The following PLGRKT variants were observed in gnomAD, a reference collection of about 807,000 sequenced individuals.
The protein encoded by PLGRKT is plasminogen receptor with a C-terminal lysine.
Under a neutral mutation model 18.5 loss-of-function variants are expected in PLGRKT, and 22 were observed. That is an observed-to-expected ratio of 1.19 (90% CI 0.85 to 1.70). The LOEUF is 1.70. Ranked by LOEUF, PLGRKT falls within the 40% of genes most tolerant of loss-of-function variation. The pLI, the probability that PLGRKT is intolerant of heterozygous loss-of-function variation, is 0.00. For missense variants in PLGRKT, 235 were observed against 174.4 expected (o/e 1.35, Z -1.96); for synonymous variants, 72 against 52.8 (o/e 1.36, Z -1.58).
At chr9:5,412,352 A>G (rs1818382019) in intron 3 of PLGRKT, among the ~76,000 whole-genome samples, 1 of 152,246 alleles carries the variant, frequency 6.6e-6, no homozygotes, top group Admixed American at 6.5e-5. Flanking sequence ...ACAAGTTGCT[A>G]TGGTTTGAAT....
chr9:5,364,152 C>A (rs1331681448), intron 3 of PLGRKT, among the ~76,000 whole-genome samples: 3 of 152,180 alleles, frequency 2.0e-5, no homozygotes, highest in Non-Finnish European at 4.4e-5. Context: ...CCAGATATAC[C>A]TCCCAGACCA....
chr9:5,384,643 G>C (rs1436087678), intron 3 of PLGRKT, among the ~76,000 whole-genome samples: 2 of 152,130 alleles, frequency 1.3e-5, no homozygotes, highest in Non-Finnish European at 2.9e-5. Flanking sequence ...ACAGAGGTAA[G>C]ATAAAGGAAG....
intron 3 of PLGRKT, among the ~76,000 whole-genome samples, chr9:5,403,855 C>G (rs1818203782): frequency 6.6e-6 from 1 of 152,182 alleles, no homozygotes; most frequent in South Asian, 2.1e-4. Context: ...ATGGCCTCTG[C>G]CTGTTCATAG....
intron 3 of PLGRKT, among the ~76,000 whole-genome samples, chr9:5,430,950 G>A (rs907597868): frequency 3.3e-5 from 5 of 152,188 alleles, no homozygotes; most frequent in Admixed American, 2.6e-4. Context: ...CCAATGTTAA[G>A]GTTTCACACT....
intron 3 of PLGRKT, among the ~76,000 whole-genome samples, chr9:5,406,383 G>C (rs1313943948): frequency 6.6e-6 from 1 of 152,246 alleles, no homozygotes; most frequent in African/African-American, 2.4e-5. Context: ...TAACAGACTG[G>C]ATAAAGAAAG....
At chr9:5,364,012 T>C (rs1320455977) in intron 3 of PLGRKT, among the ~76,000 whole-genome samples, 2 of 152,226 alleles carry the variant, frequency 1.3e-5, no homozygotes, top group Non-Finnish European at 2.9e-5. Flanking sequence ...CCCAAAGTGA[T>C]GTAAATACAG....
chr9:5,387,346 A>G (rs377119647), intron 3 of PLGRKT, among the ~76,000 whole-genome samples: 1 of 152,014 alleles, frequency 6.6e-6, no homozygotes, highest in African/African-American at 2.4e-5. Context: ...GAATGAACAC[A>G]TTTTCATTCA....
chr9:5,367,973 C>G (rs754966539), intron 3 of PLGRKT, among the ~76,000 whole-genome samples: 1 of 151,990 alleles, frequency 6.6e-6, no homozygotes, highest in African/African-American at 2.4e-5. Flanking sequence ...GCTTGGCCAA[C>G]AAGCATATGA....
At chr9:5,396,086 G>GT (rs1818041626) in intron 3 of PLGRKT, among the ~76,000 whole-genome samples, 1 of 151,306 alleles carries the variant, frequency 6.6e-6, no homozygotes. Context: ...TAGAGACGGG[G>GT]TTTCACCATG....
In PLGRKT at chr9:5,394,692, C is replaced by T. The variant is rs1156684697; in HGVS notation, c.82-32804G>A. Among the ~76,000 whole-genome samples, 4 of 151,880 alleles carry T rather than the reference C, an allele frequency of 2.6e-5. 1 individual carries two copies. The highest frequency in any genetic ancestry group is 7.3e-5 in the African/African-American group (3 of 41,170). On this transcript the variant is annotated intron_variant, in intron 3 of 5. Transcript: ENST00000223864. The stretch of plus-strand genomic sequence containing the variant: ...CCTCCCAAAGTGCTGGGATTACAGG[C>T]GTAAGCCACTGCGTGACAGGGAAGT...
chr9:5,363,837 T>C (rs1586698607), intron 3 of PLGRKT, among the ~76,000 whole-genome samples: 1 of 152,206 alleles, frequency 6.6e-6, no homozygotes, highest in East Asian at 1.9e-4. Flanking sequence ...ATTGAGTAAC[T>C]TTGACTTGTC....
chr9:5,419,274 T>C (rs1818526334), intron 3 of PLGRKT, among the ~76,000 whole-genome samples: 1 of 152,266 alleles, frequency 6.6e-6, no homozygotes, highest in African/African-American at 2.4e-5. Flanking sequence ...AATATGATTA[T>C]TTATCCTCCA....
chr9:5,386,104 C>A (rs528787946), intron 3 of PLGRKT, among the ~76,000 whole-genome samples: 5 of 151,994 alleles, frequency 3.3e-5, no homozygotes, highest in African/African-American at 1.2e-4. Context: ...TGCGAATGCA[C>A]TGGATGTTAC....
intron 3 of PLGRKT, among the ~76,000 whole-genome samples, chr9:5,371,998 T>TTTTTTTTTTTTTTTTTTTTTTTA: frequency 7.1e-6 from 1 of 140,482 alleles, no homozygotes; most frequent in Non-Finnish European, 1.5e-5. Flanking sequence ...TTTTTTTTTT[T>TTTTTTTTTTTTTTTTTTTTTTTA]TGATATGGAG....
intron 3 of PLGRKT, 63 bp from the exon 4 acceptor site, chr9:5,361,951 T>A: frequency 6.8e-7 from 1 of 1,474,826 alleles, no homozygotes; most frequent in Non-Finnish European, 9.3e-7. Context: ...AAATAGTTAA[T>A]AATCTGTTTT....
chr9:5,374,051 T>C (rs1218089415), intron 3 of PLGRKT, among the ~76,000 whole-genome samples: 2 of 152,240 alleles, frequency 1.3e-5, no homozygotes, highest in African/African-American at 4.8e-5. Context: ...CATCACCTTC[T>C]GGGCTCTAAC....
chr9:5,433,652 C>G (rs1176854667), intron 2 of PLGRKT, among the ~76,000 whole-genome samples: 1 of 145,966 alleles, frequency 6.9e-6, no homozygotes, highest in Non-Finnish European at 1.5e-5. Flanking sequence ...CCGGCCGCCC[C>G]GTCTGGGATG....
chr9:5,425,561 C>T (rs533934106), intron 3 of PLGRKT, among the ~76,000 whole-genome samples: 1 of 152,064 alleles, frequency 6.6e-6, no homozygotes, highest in African/African-American at 2.4e-5. Flanking sequence ...CTGACAATCA[C>T]CAATTATAAT....
chr9:5,437,797 G>C lies in PLGRKT; in HGVS notation c.-141C>G, dbSNP rs1818990926. On this transcript the variant is annotated 5_prime_UTR_variant, in exon 1 of 6. Coordinates refer to ENST00000223864, the MANE Select transcript of PLGRKT (RefSeq NM_018465.4). ...GGCCGGTGTTCACTCACTGGGCGGCGCTGGTGCCGGGACCAGGCGACCGGT... is the reference window on the plus strand; with the variant it reads ...GGCCGGTGTTCACTCACTGGGCGGCCCTGGTGCCGGGACCAGGCGACCGGT... 1 of 152,274 alleles carries C rather than the reference G, an allele frequency of 6.6e-6. No individual in the cohort carries two copies. The highest frequency in any genetic ancestry group is 2.4e-5 in the African/African-American group (1 of 41,460). 9.4% of individuals were successfully genotyped at this position (152,274 alleles called of 1,614,324 possible).
Sources: allele counts gnomAD v4.1 joint callset (sites outside exome capture counted in the v4.1 genomes callset), GRCh38; gene constraint gnomAD v4.1.1; transcripts MANE v1.5; gene names NCBI Gene and HGNC (gene_info 2026-07-23, HGNC 2026-07-21).